IGSF5: variants seen among roughly 807,000 people sequenced by gnomAD.
IGSF5 encodes immunoglobulin superfamily 5 like.
Under a neutral mutation model 39.4 loss-of-function variants are expected in IGSF5, and 41 were observed. The ratio of observed to expected loss-of-function variants is 1.04; its 90% confidence interval spans 0.81 to 1.35. IGSF5 has a LOEUF of 1.35. Among genes scored for constraint, IGSF5 ranks in the 40% most tolerant of loss-of-function variants. IGSF5 has a pLI of 0.00. For missense variants in IGSF5, 487 were observed against 494.6 expected (o/e 0.98, Z 0.15); for synonymous variants, 183 against 175.3 (o/e 1.04, Z -0.34).
the IGSF5 span, among the ~76,000 whole-genome samples, chr21:39,712,392 C>G: frequency 2.6e-5 from 4 of 152,058 alleles, no homozygotes; most frequent in African/African-American, 7.2e-5. Context: ...TTTTGTAAAC[C>G]CTCGGATAGT....
chr21:39,755,316 G>C (rs1172605534), intron 2 of IGSF5, among the ~76,000 whole-genome samples: 1 of 152,174 alleles, frequency 6.6e-6, no homozygotes, highest in African/African-American at 2.4e-5. Flanking sequence ...ACCTGGTGCG[G>C]TGGCTCATGC....
At chr21:39,758,376 G>A (rs1245773008) in intron 2 of IGSF5, among the ~76,000 whole-genome samples, 1 of 152,096 alleles carries the variant, frequency 6.6e-6, no homozygotes, top group Non-Finnish European at 1.5e-5. Context: ...TCACTGTCCT[G>A]GGAGTCTGCA....
At chr21:39,756,898 G>A (rs1454409012) in intron 2 of IGSF5, among the ~76,000 whole-genome samples, 1 of 151,990 alleles carries the variant, frequency 6.6e-6, no homozygotes, top group Non-Finnish European at 1.5e-5. Flanking sequence ...AGGTATACAT[G>A]GCAGAATCCT....
chr21:39,800,189 A>G (rs1443891047), intron 8 of IGSF5, among the ~76,000 whole-genome samples: 1 of 152,192 alleles, frequency 6.6e-6, no homozygotes, highest in Non-Finnish European at 1.5e-5. Flanking sequence ...TTTGGCGAAT[A>G]TTTAAAACAA....
Position 39,765,519 on chromosome 21 carries a change from A to T in IGSF5, c.101-16A>T, listed in dbSNP as rs748497176. The T allele has an allele frequency of 1.2e-6, 2 of 1,603,864 alleles. No individual in the cohort carries two copies. Among genetic ancestry groups the T allele is most frequent in the Middle Eastern group, 1.7e-4 (1 of 6,016 alleles). ...ATCCATTCATTTAACAACTTGAAAA[A>T]TTGGCTACCTTCCAGGTTCTGGGTC... On this transcript the variant is annotated splice_polypyrimidine_tract_variant and intron_variant, in intron 2 of 8. Coordinates refer to ENST00000380588, the MANE Select transcript of IGSF5 (RefSeq NM_001080444.2).
At chr21:39,752,144 T>C (rs1373318967) in intron 2 of IGSF5, among the ~76,000 whole-genome samples, 1 of 152,170 alleles carries the variant, frequency 6.6e-6, no homozygotes, top group Non-Finnish European at 1.5e-5. Context: ...CTGTGCCTAA[T>C]ATGTAGTCTT....
upstream of IGSF5, among the ~76,000 whole-genome samples, chr21:39,741,018 C>T (rs948268463): frequency 6.6e-6 from 1 of 152,222 alleles, no homozygotes; most frequent in African/African-American, 2.4e-5. Context: ...ACATCAATTT[C>T]CTTACTCAGG....
In IGSF5 at chr21:39,772,363, G is replaced by A. The variant is rs551367706; in HGVS notation, c.718+1148G>A. Among the ~76,000 whole-genome samples the A allele has an allele frequency of 9.8e-5, 15 of 152,298 alleles. No individual in the cohort carries two copies. The South Asian group carries it at 1.2e-3, about 13-fold the overall frequency. ...TGCTCACCTGGCAACTCTGCCCACC[G>A]TGTGAGCAGCCACTTGGAGGGTATA... On this transcript the variant is annotated intron_variant, in intron 4 of 8. Coordinates refer to ENST00000380588, the MANE Select transcript of IGSF5 (RefSeq NM_001080444.2).
intron 1 of IGSF5, 45 bp from the exon 2 acceptor site, chr21:39,746,171 C>T: frequency 1.4e-6 from 1 of 701,388 alleles, no homozygotes; most frequent in Non-Finnish European, 2.6e-6. Flanking sequence ...CAATGGCGAG[C>T]CTTTAGCCTG....
chr21:39,771,249 A>G (rs2080113288), intron 4 of IGSF5, 34 bp downstream of exon 4: 2 of 1,462,268 alleles, frequency 1.4e-6, no homozygotes, highest in Non-Finnish European at 1.8e-6. Context: ...TATGAAATGA[A>G]TGATTATTTC....
chr21:39,787,000 C>G (rs9974301), intron 5 of IGSF5, among the ~76,000 whole-genome samples: 40,328 of 151,816 alleles, frequency 0.27, 6,761 homozygotes, highest in East Asian at 0.47. Context: ...GGAGATATAC[C>G]TATTGCTAGA....
rs114729602 is a variant in IGSF5, at chr21:39,745,252, T to C, written c.-258T>C. Among the ~76,000 whole-genome samples the C allele has an allele frequency of 0.057, 8,620 of 151,926 alleles. 813 individuals are homozygous for C. Among genetic ancestry groups the C allele is most frequent in the African/African-American group, 0.19 (8,064 of 41,388 alleles). On this transcript the variant is annotated 5_prime_UTR_variant, in exon 1 of 9. Coordinates refer to ENST00000380588, the MANE Select transcript of IGSF5 (RefSeq NM_001080444.2). ...GGCAAGGGTGGTGGGGAATGGGTCC[T>C]GCATAACTGCTCATGTCAAGAGCTG... is the stretch of plus-strand genomic sequence containing the variant.
rs76521183 is a variant in IGSF5, at chr21:39,766,592, G to A, written c.418+740G>A. Among the ~76,000 whole-genome samples the A allele has an allele frequency of 5.3e-3, 804 of 152,210 alleles. 9 individuals carry two copies. The highest frequency in any genetic ancestry group is 0.018 in the African/African-American group (766 of 41,532). On this transcript the variant is annotated intron_variant, in intron 3 of 8. Transcript: ENST00000380588. ...AATATATCAAGTCATTGAGAGAAAA[G>A]AAAAGAATAAACAAAATTTATAATA... is the stretch of plus-strand genomic sequence containing the variant.
At chr21:39,762,227 CA>C (rs1454013869) in intron 2 of IGSF5, among the ~76,000 whole-genome samples, 1 of 152,130 alleles carries the variant, frequency 6.6e-6, no homozygotes, top group Non-Finnish European at 1.5e-5. Flanking sequence ...TATCCTGAGT[CA>C]AATATGAGTG....
chr21:39,770,787 C>A, intron 3 of IGSF5, 129 bp from the exon 4 acceptor site: 1 of 609,180 alleles, frequency 1.6e-6, no homozygotes, highest in Non-Finnish European at 2.4e-6. Flanking sequence ...CCTCTTTGGG[C>A]TTGGGAAAAT....
At chr21:39,796,622 A>G (rs1365681143) in intron 8 of IGSF5, among the ~76,000 whole-genome samples, 3 of 152,206 alleles carry the variant, frequency 2.0e-5, no homozygotes, top group African/African-American at 7.2e-5. Flanking sequence ...TGTTTTGCGC[A>G]CACAGGCCTC....
At chr21:39,715,708 A>C in the IGSF5 span, among the ~76,000 whole-genome samples, 1 of 152,230 alleles carries the variant, frequency 6.6e-6, no homozygotes, top group Admixed American at 6.5e-5. Context: ...GGCTAATTTT[A>C]GCTTGGATTA....
At chr21:39,735,390 A>G in the IGSF5 span, among the ~76,000 whole-genome samples, 6 of 152,220 alleles carry the variant, frequency 3.9e-5, no homozygotes, top group Non-Finnish European at 8.8e-5. Flanking sequence ...TGAAATTACA[A>G]ATAGTTGTTA....
chr21:39,720,111 G>C, the IGSF5 span, among the ~76,000 whole-genome samples: 1 of 152,218 alleles, frequency 6.6e-6, no homozygotes, highest in Non-Finnish European at 1.5e-5. Context: ...TTTTTCCACA[G>C]ACCTGAGGTG....
Sources: gnomAD v4.1 joint callset for allele counts (sites outside exome capture counted in the v4.1 genomes callset) on GRCh38, gnomAD v4.1.1 for gene constraint, MANE v1.5 for transcripts, NCBI Gene and HGNC (gene_info 2026-07-23, HGNC 2026-07-21) for gene names.